Variants in COL2A1 observed in about 807,000 individuals in gnomAD.
COL2A1 encodes collagen type II alpha 1 chain.
A neutral mutation model predicts 204.5 loss-of-function variants in COL2A1; 28 were observed. The ratio of observed to expected loss-of-function variants is 0.14; its 90% CI spans 0.10 to 0.19. The LOEUF is 0.19. COL2A1 is among the 10% of genes least tolerant of loss of function. The probability of loss-of-function intolerance (pLI) is 1.00; values close to 1 mark genes in which losing one functional copy is unlikely to be tolerated. For synonymous variants in COL2A1, 708 were observed against 718.7 expected (o/e 0.99, Z 0.24); for missense variants, 1,388 against 2,027.5 (o/e 0.68, Z 6.06).
At chr12:47,995,165 G>A in intron 11 of COL2A1, 90 bp downstream of exon 11, 2 of 1,107,174 alleles carry the variant, frequency 1.8e-6, no homozygotes, top group Non-Finnish European at 2.8e-6. Context: ...CCTCCACCCT[G>A]GGTGCCTCCC....
At chr12:47,984,423 C>T in intron 28 of COL2A1, 123 bp downstream of exon 28, 1 of 1,042,036 alleles carries the variant, frequency 9.6e-7, no homozygotes, top group Non-Finnish European at 1.5e-6. Context: ...TGGGGCTCAG[C>T]CACAGAGATC....
In COL2A1 at chr12:47,987,390, A is replaced by T; in HGVS notation, c.1222-77T>A. On this transcript the variant is annotated intron_variant, in intron 19 of 53. Transcript: ENST00000380518. The surrounding 1 kb of genome is among the most constrained non-coding windows in gnomAD (Gnocchi z 4.1). ...CTCCAGCCCTCCAGGATCCAGATCC[A>T]GGGACCTGGCATAGGTGCTGTCCAT... is the stretch of plus-strand genomic sequence containing the variant. 1.4e-6 allele frequency: 2 copies of T among 1,479,674 alleles called. No homozygotes were observed. The highest frequency in any genetic ancestry group is 1.9e-6 in the Non-Finnish European group (2 of 1,062,482). The allele number at this position is 1,479,674 out of a possible 1,614,324, so 91.7% of individuals were successfully genotyped here. A position where few individuals can be genotyped will look rare whatever the true frequency, so the allele number is the denominator to read the frequency against.
chr12:47,998,775 C>G (rs983340943), intron 2 of COL2A1: 7 of 288,918 alleles, frequency 2.4e-5, no homozygotes, highest in Non-Finnish European at 3.9e-5. Flanking sequence ...TCTCTTCCCC[C>G]CACAGGGTAG....
In COL2A1 at chr12:47,997,807, C is replaced by T. The variant is rs1453115790; in HGVS notation, c.429+64G>A. On this transcript the variant is annotated intron_variant, in intron 6 of 53. Coordinates refer to ENST00000380518, the MANE Select transcript of COL2A1 (RefSeq NM_001844.5). ...TAAGAGGTGACCAGGCCCTTAAACACATGGTGGGGCCTTGGGGGACCTGGG... is the reference window on the plus strand; with the variant it reads ...TAAGAGGTGACCAGGCCCTTAAACATATGGTGGGGCCTTGGGGGACCTGGG... The T allele has an allele frequency of 1.1e-5, 18 of 1,610,812 alleles. No individual in the cohort carries two copies. The Admixed American group carries it at 3.0e-4, about 27-fold the overall frequency.
intron 16 of COL2A1, 61 bp downstream of exon 16, chr12:47,992,813 GAAAC>G: frequency 1.9e-6 from 3 of 1,562,358 alleles, no homozygotes; most frequent in Non-Finnish European, 2.6e-6. Flanking sequence ...AGGGTCAAGA[GAAAC>G]AAACCTGTAA....
Position 47,987,625 on chromosome 12 carries a change from G to C in COL2A1, c.1207C>G (p.Pro403Ala). ...GEPGTPGSPG[P>A]AGASGNPGTD... ...GCTGCACTTACGGAGGCACCAGCAG[G>C]CCCAGGGGACCCAGGAGTACCAGGT... Residue 403 changes from proline to alanine, a missense_variant, in exon 19 of 54, where the codon CCT becomes GCT. Physicochemically the swap from Pro to Ala is conservative, Grantham distance 27. This residue lies in a region of COL2A1 where 884 missense variants were observed against 1,415.8 expected (regional missense o/e 0.62). Transcript: ENST00000380518. This position sits in a 1 kb window ranked among gnomAD's most constrained non-coding sequence, Gnocchi z 4.1. 1 of 1,612,812 alleles carries C rather than the reference G, an allele frequency of 6.2e-7. No homozygotes were observed. Among genetic ancestry groups the C allele is most frequent in the Admixed American group, 1.7e-5 (1 of 59,930 alleles).
rs971793101 is a variant in COL2A1, at chr12:47,977,995, G to T, written c.3111+15C>A. On this transcript the variant is annotated intron_variant, in intron 44 of 53. Coordinates refer to ENST00000380518, the MANE Select transcript of COL2A1 (RefSeq NM_001844.5). Reference sequence around the variant, plus strand: ...CTCCCCAATCAGGGCCACCCCAGGGGGTCTCACTGCTCACCTCTCGTCCAG... The same window carrying T: ...CTCCCCAATCAGGGCCACCCCAGGGTGTCTCACTGCTCACCTCTCGTCCAG... The T allele has an allele frequency of 6.2e-7, 1 of 1,610,284 alleles. No individual in the cohort carries two copies. The highest frequency in any genetic ancestry group is 1.1e-5 in the South Asian group (1 of 90,844).
chr12:47,994,989 C>A (rs1939884430), intron 11 of COL2A1, among the ~76,000 whole-genome samples: 2 of 152,146 alleles, frequency 1.3e-5, no homozygotes, highest in Admixed American at 1.3e-4. Context: ...TCTCTCCCTT[C>A]TCTCATTTCT....
At chr12:47,981,992 G>T (rs55865744) in intron 35 of COL2A1, 115 bp downstream of exon 35, 2 of 1,310,962 alleles carry the variant, frequency 1.5e-6, no homozygotes, top group South Asian at 1.2e-5. Context: ...GCCCAGCCCC[G>T]ACAGAGACAG....
In COL2A1 at chr12:47,987,763, C is replaced by T; in HGVS notation, c.1123-54G>A. 1 of 1,435,886 alleles carries T rather than the reference C, an allele frequency of 7.0e-7. No homozygotes were observed. The highest frequency in any genetic ancestry group is 9.7e-7 in the Non-Finnish European group (1 of 1,033,872). The allele number at this position is 1,435,886 out of a possible 1,614,324, so 88.9% of individuals were successfully genotyped here. ...AGAAGAAGAGAGGGGACACAGACCT[C>T]TAGTGGGTGGGCAATAGCTCAGGGC... On this transcript the variant is annotated intron_variant, in intron 18 of 53. Transcript: ENST00000380518. This position sits in a 1 kb window ranked among gnomAD's most constrained non-coding sequence, Gnocchi z 4.1.
upstream of COL2A1, chr12:48,004,550 G>A (rs1014644228): frequency 6.3e-6 from 3 of 479,010 alleles, no homozygotes; most frequent in Admixed American, 3.9e-5. Context: ...CCAAACCGCG[G>A]GCCGCCCCCT....
Position 47,978,145 on chromosome 12 carries a change from G to A in COL2A1, c.3004-28C>T, listed in dbSNP as rs961374983. ...GGAGGGACAGAGACAAGGATGATGA[G>A]TGCAAGTGGTAAGCACCCCTGCCCA... On this transcript the variant is annotated intron_variant, in intron 43 of 53. Transcript: ENST00000380518. This position sits in a 1 kb window ranked among gnomAD's most constrained non-coding sequence, Gnocchi z 5.5. 6.2e-6 allele frequency: 10 copies of A among 1,603,304 alleles called. No individual in the cohort carries two copies. The highest frequency in any genetic ancestry group is 7.7e-6 in the Non-Finnish European group (9 of 1,173,402).
rs1157211881 is a variant in COL2A1, at chr12:47,987,891, C to T, written c.1123-182G>A. 1.3e-5 allele frequency among the ~76,000 whole-genome samples: 2 copies of T among 152,160 alleles called. No individual in the cohort carries two copies. Among genetic ancestry groups the T allele is most frequent in the African/African-American group, 2.4e-5 (1 of 41,414 alleles). On this transcript the variant is annotated intron_variant, in intron 18 of 53. Transcript: ENST00000380518. This position sits in a 1 kb window ranked among gnomAD's most constrained non-coding sequence, Gnocchi z 4.1. The stretch of plus-strand genomic sequence containing the variant: ...GCTGCCGTTTTTCTCCCTGCCTGAC[C>T]GAGCTGATGACTTGATGACTTCCCA...
chr12:47,986,914 A>G, intron 21 of COL2A1, 26 bp from the exon 22 acceptor site: 1 of 1,613,964 alleles, frequency 6.2e-7, no homozygotes, highest in Non-Finnish European at 8.5e-7. Flanking sequence ...AGGTCCTCAC[A>G]CCAGATTCTC....
rs3803182 is a variant in COL2A1, at chr12:48,004,440, G to A, written c.-119C>T. On this transcript the variant is annotated 5_prime_UTR_variant, in exon 1 of 54. Coordinates refer to ENST00000380518, the MANE Select transcript of COL2A1 (RefSeq NM_001844.5). ...TGCAGGAGGCCCTTGGAGCAGGAGG[G>A]GGAAGCGGGAGACCCGGCAGCCCAG... 0.82 allele frequency: 489,591 copies of A among 600,296 alleles called. 201,863 individuals are homozygous for A. The highest frequency in any genetic ancestry group is 0.87 in the Non-Finnish European group (293,131 of 338,560). The allele number at this position is 600,296 out of a possible 1,614,324, so 37.2% of individuals were successfully genotyped here.
intron 30 of COL2A1, 21 bp from the exon 31 acceptor site, chr12:47,983,459 C>T (rs371969241): frequency 3.2e-4 from 517 of 1,613,518 alleles, no homozygotes; most frequent in Non-Finnish European, 4.2e-4. Context: ...AAGTGACAAG[C>T]GTTAGCAAAG....
intron 37 of COL2A1, among the ~76,000 whole-genome samples, 179 bp from the exon 38 acceptor site, chr12:47,981,147 A>C (rs991299206): frequency 2.6e-5 from 4 of 152,150 alleles, no homozygotes; most frequent in African/African-American, 9.7e-5. Flanking sequence ...CTCACCCTGA[A>C]CACATGATGG....
chr12:47,974,378 A>T, intron 52 of COL2A1, 47 bp from the exon 53 acceptor site: 1 of 1,609,698 alleles, frequency 6.2e-7, no homozygotes, highest in South Asian at 1.1e-5. Context: ...GCTGGCATTC[A>T]ATGGGACCAG....
chr12:47,982,170 G>A lies in COL2A1; in HGVS notation c.2302-10C>T, dbSNP rs201655768. ...TCTCACCAACGTCACCCTGAGGGAA[G>A]AGAAAACCAGCCGCCTCAGCCAGGC... On this transcript the variant is annotated splice_polypyrimidine_tract_variant and intron_variant, in intron 34 of 53. Transcript: ENST00000380518. The A allele has an allele frequency of 1.2e-5, 19 of 1,613,360 alleles. No individual in the cohort carries two copies. In the East Asian group the frequency reaches 4.0e-4, roughly 34 times the overall value.
Sources: allele counts gnomAD v4.1 joint callset (sites outside exome capture counted in the v4.1 genomes callset), GRCh38; gene constraint gnomAD v4.1.1; regional missense constraint gnomAD v4.1.1; non-coding constraint Gnocchi (gnomAD v3.1); transcripts MANE v1.5; gene names NCBI Gene and HGNC (gene_info 2026-07-23, HGNC 2026-07-21).